CTBS: variants seen among roughly 807,000 people sequenced by gnomAD.
The protein encoded by CTBS is di-N-acetylchitobiase.
CTBS carries 35 observed loss-of-function variants against 44.3 expected under a neutral mutation model. That is an observed-to-expected ratio of 0.79 (90% CI 0.60 to 1.05). The LOEUF is 1.05. Ranked by LOEUF, CTBS falls within the 50% of genes least tolerant of loss-of-function variation. The pLI is 0.00. For synonymous variants in CTBS, 143 were observed against 168.0 expected, an observed-to-expected ratio of 0.85 and a Z score of 1.15; for missense variants, 458 against 475.3, an observed-to-expected ratio of 0.96 and a Z score of 0.34.
intron 6 of CTBS, 135 bp from the exon 7 acceptor site, chr1:84,555,334 T>G: frequency 1.7e-6 from 1 of 601,938 alleles, no homozygotes; most frequent in Non-Finnish European, 2.7e-6. Context: ...TCAAAAAGGA[T>G]ACAATGAAAT....
In CTBS at chr1:84,552,890, G is replaced by A. The variant is rs888315645; in HGVS notation, c.*2109C>T. On this transcript the variant is annotated 3_prime_UTR_variant, in exon 7 of 7. Transcript: ENST00000370630. Reference sequence around the variant, plus strand: ...ATTCATAATCTACACATTTACTGTAGTAATCCAGTGGGAGTTGAAAGCACT... The same window carrying A: ...ATTCATAATCTACACATTTACTGTAATAATCCAGTGGGAGTTGAAAGCACT... The A allele has an allele frequency of 5.0e-6, 3 of 595,116 alleles. No individual in the cohort carries two copies. The highest frequency in any genetic ancestry group is 8.9e-6 in the Non-Finnish European group (3 of 336,306). The allele number at this position is 595,116 out of a possible 1,614,324, so 36.9% of individuals were successfully genotyped here. A position where few individuals can be genotyped will look rare whatever the true frequency, so the allele number is the denominator to read the frequency against.
chr1:84,573,381 A>G (rs1647372621), intron 1 of CTBS, among the ~76,000 whole-genome samples: 1 of 152,218 alleles, frequency 6.6e-6, no homozygotes, highest in Non-Finnish European at 1.5e-5. Context: ...AGGTTATCCT[A>G]CTTTGTCTGA....
At chr1:84,561,400 T>C (rs1324581807) in intron 6 of CTBS, among the ~76,000 whole-genome samples, 1 of 152,244 alleles carries the variant, frequency 6.6e-6, no homozygotes, top group Non-Finnish European at 1.5e-5. Flanking sequence ...CTACTTCTTA[T>C]GAATACGCAA....
chr1:84,558,781 G>T (rs996865594), intron 6 of CTBS, among the ~76,000 whole-genome samples: 4 of 151,892 alleles, frequency 2.6e-5, no homozygotes, highest in Non-Finnish European at 4.4e-5. Context: ...CACGCCTATG[G>T]TCCTAGCTAC....
Position 84,554,683 on chromosome 1 carries a change from C to A in CTBS, c.*316G>T. The A allele has an allele frequency of 4.8e-6, 1 of 206,338 alleles. No individual in the cohort carries two copies. Among genetic ancestry groups the A allele is most frequent in the Non-Finnish European group, 9.8e-6 (1 of 101,720 alleles). The allele number at this position is 206,338 out of a possible 1,614,324, so 12.8% of individuals were successfully genotyped here. A position where few individuals can be genotyped will look rare whatever the true frequency, so the allele number is the denominator to read the frequency against. Reference sequence around the variant, plus strand: ...TTAAAAATCAGCATTGATTCGTGAGCATATATTTTACTATAATGAAGGGAA... The same window carrying A: ...TTAAAAATCAGCATTGATTCGTGAGAATATATTTTACTATAATGAAGGGAA... On this transcript the variant is annotated 3_prime_UTR_variant, in exon 7 of 7. Coordinates refer to ENST00000370630, the MANE Select transcript of CTBS (RefSeq NM_004388.3).
chr1:84,573,311 C>T (rs367617274), intron 1 of CTBS, among the ~76,000 whole-genome samples: 26 of 152,368 alleles, frequency 1.7e-4, no homozygotes, highest in South Asian at 1.7e-3. Context: ...GCAGACCTCT[C>T]TGAACCCCTT....
Position 84,551,044 on chromosome 1 carries a change from T to C in CTBS, c.*3955A>G, listed in dbSNP as rs1684255781. ...TGTTTCTCCCATGGGACCTTTTGTA[T>C]AGCAGATGCTTAGTAGAGGCTTCTG... On this transcript the variant is annotated 3_prime_UTR_variant, in exon 7 of 7. Transcript: ENST00000370630. 3.0e-6 allele frequency: 3 copies of C among 985,360 alleles called. No homozygotes were observed. The highest frequency in any genetic ancestry group is 3.6e-6 in the Non-Finnish European group (3 of 829,884). 61.0% of individuals were successfully genotyped at this position (985,360 alleles called of 1,614,324 possible). A position where few individuals can be genotyped will look rare whatever the true frequency, so the allele number is the denominator to read the frequency against.
In CTBS at chr1:84,574,254, G is replaced by A; in HGVS notation, c.162C>T (p.His54=). Residue 54 remains histidine, a synonymous_variant, in exon 1 of 7, where the codon CAC becomes CAT. Transcript: ENST00000370630. ...AGGCGCTGACCTCGAAATCTGGATG[G>A]TGGCGAATCGGGCGGCAGAGCTCAG... is the stretch of plus-strand genomic sequence containing the variant. The part of the protein sequence containing the change: ...PEPELCRPIR[H]HPDFEVFVFD... 1.2e-6 allele frequency: 2 copies of A among 1,604,514 alleles called. No homozygotes were observed. The highest frequency in any genetic ancestry group is 1.7e-6 in the Non-Finnish European group (2 of 1,176,408).
At chr1:84,563,504 A>G (rs1684633017) in intron 5 of CTBS, 86 bp from the exon 6 acceptor site, 5 of 976,212 alleles carry the variant, frequency 5.1e-6, no homozygotes, top group Non-Finnish European at 6.9e-6. Context: ...TTATTTAGAA[A>G]TAAAACATAT....
intron 4 of CTBS, 66 bp from the exon 5 acceptor site, chr1:84,563,898 A>G: frequency 6.6e-7 from 1 of 1,511,816 alleles, no homozygotes; most frequent in Non-Finnish European, 8.9e-7. Flanking sequence ...CATACAAGCT[A>G]TGCAACCGTT....
At chr1:84,563,691 AT>A (rs1684636293) in intron 5 of CTBS, 43 bp downstream of exon 5, 2 of 1,200,156 alleles carry the variant, frequency 1.7e-6, no homozygotes, top group Non-Finnish European at 2.3e-6. Flanking sequence ...ACTCTAAAAA[AT>A]ATAATAGATA....
At chr1:84,571,709 T>C (rs1030794955) in intron 1 of CTBS, among the ~76,000 whole-genome samples, 1 of 152,194 alleles carries the variant, frequency 6.6e-6, no homozygotes, top group African/African-American at 2.4e-5. Context: ...AGGAGTTAAC[T>C]ACTTAATTAC....
chr1:84,555,184 A>C lies in CTBS; in HGVS notation c.973T>G (p.Phe325Val). 6.2e-7 allele frequency: 1 copy of C among 1,612,910 alleles called. No individual in the cohort carries two copies. The highest frequency in any genetic ancestry group is 8.5e-7 in the Non-Finnish European group (1 of 1,179,102). The change falls in exon 7 of 7, where the codon TTT becomes GTT. Residue 325 changes from phenylalanine to valine, a missense_variant. Transcript: ENST00000370630. ...YYNYKDPAGH[F>V]HQVWYDNPQS... ...GGGTTATCATACCATACTTGATGAA[A>C]GTGGCCAGCAGGATCCTATATAAAT...
rs1255167342 is a variant in CTBS at position 84,553,926 on chromosome 1, T to G, written c.*1073A>C. 9 of 152,182 alleles carry G rather than the reference T, an allele frequency of 5.9e-5. No individual in the cohort carries two copies. The highest frequency in any genetic ancestry group is 1.3e-4 in the Non-Finnish European group (9 of 68,038). The allele number at this position is 152,182 out of a possible 1,614,324, so 9.4% of individuals were successfully genotyped here. On this transcript the variant is annotated 3_prime_UTR_variant, in exon 7 of 7. Coordinates refer to ENST00000370630, the MANE Select transcript of CTBS (RefSeq NM_004388.3). ...ACAGACTTTATTACATTTAGAAAAC[T>G]TATTTGTATAAAATTGATCTTTTAG...
chr1:84,562,861 G>T (rs942999782), intron 6 of CTBS, among the ~76,000 whole-genome samples: 3 of 152,086 alleles, frequency 2.0e-5, no homozygotes, highest in African/African-American at 4.8e-5. Flanking sequence ...TCCTCCCTAT[G>T]TAAGTCTCAT....
chr1:84,563,881 A>G (rs1268057087), intron 4 of CTBS, 49 bp from the exon 5 acceptor site: 11 of 1,572,868 alleles, frequency 7.0e-6, no homozygotes, highest in Non-Finnish European at 9.5e-6. Flanking sequence ...TCATATGTCA[A>G]TGTGTTCATA....
intron 1 of CTBS, among the ~76,000 whole-genome samples, chr1:84,573,476 G>C (rs1647374334): frequency 6.6e-6 from 1 of 152,120 alleles, no homozygotes; most frequent in Non-Finnish European, 1.5e-5. Context: ...CTTCTCCTAA[G>C]TCATGTATAT....
rs1366582065 is a variant in CTBS at position 84,551,599 on chromosome 1, T to TACTG, written c.*3396_*3399dup. The TACTG allele has an allele frequency of 6.6e-6, 1 of 152,172 alleles. No individual in the cohort carries two copies. Among genetic ancestry groups the TACTG allele is most frequent in the Non-Finnish European group, 1.5e-5 (1 of 68,040 alleles). 9.4% of individuals were successfully genotyped at this position (152,172 alleles called of 1,614,324 possible). A position where few individuals can be genotyped will look rare whatever the true frequency, so the allele number is the denominator to read the frequency against. ...TACATATGGCAACTGGCTTCTACTA[T>TACTG]ACTGGACAGTGCAGTTCTAGATTCT... On this transcript the variant is annotated 3_prime_UTR_variant, in exon 7 of 7. Transcript: ENST00000370630.
At position 84,555,045 on chromosome 1, in the gene CTBS, G is replaced by A. The variant is rs766374860; in HGVS notation, c.1112C>T (p.Thr371Ile). The change falls in exon 7 of 7, where the codon ACT (threonine) becomes ATT (isoleucine). Residue 371 changes from threonine to isoleucine, a missense_variant. Physicochemically the swap from Thr to Ile is moderately conservative, Grantham distance 89. Coordinates refer to ENST00000370630, the MANE Select transcript of CTBS (RefSeq NM_004388.3). ...YSGDAVAKQQ[T>I]EEMWEVLKPK... ...CTTTAAGACTTCCCACATTTCTTCA[G>A]TTTGCTGTTTGGCTACAGCATCTCC... 6.2e-7 allele frequency: 1 copy of A among 1,613,888 alleles called. No homozygotes were observed. The highest frequency in any genetic ancestry group is 8.5e-7 in the Non-Finnish European group (1 of 1,179,938).
Sources: gnomAD v4.1 joint callset for allele counts (sites outside exome capture counted in the v4.1 genomes callset) on GRCh38, gnomAD v4.1.1 for gene constraint, MANE v1.5 for transcripts, NCBI Gene and HGNC (gene_info 2026-07-23, HGNC 2026-07-21) for gene names.